The following CLTC variants were observed in gnomAD, a reference collection of about 807,000 sequenced individuals.
CLTC encodes the protein clathrin heavy chain 1.
Under a neutral mutation model 195.8 loss-of-function variants are expected in CLTC, and 16 were observed. The ratio of observed to expected loss-of-function variants is 0.08; its 90% CI spans 0.06 to 0.12. The LOEUF (loss-of-function observed/expected upper bound fraction) is 0.12. CLTC is among the 10% of genes least tolerant of loss of function. CLTC has a pLI of 1.00. For missense variants in CLTC, 796 were observed against 2,027.0 expected (o/e 0.39, Z 11.66); for synonymous variants, 667 against 689.4 (o/e 0.97, Z 0.51).
intron 1 of CLTC, among the ~76,000 whole-genome samples, chr17:59,636,009 G>A (rs758685156): frequency 2.0e-5 from 3 of 152,038 alleles, no homozygotes; most frequent in Non-Finnish European, 4.4e-5. Context: ...GGGAGTTCGA[G>A]ACCAGCCTGA....
At chr17:59,673,799 G>C (rs377336125) in intron 15 of CLTC, 27 bp downstream of exon 15, 8 of 1,011,988 alleles carry the variant, frequency 7.9e-6, no homozygotes, top group Non-Finnish European at 7.7e-6. Context: ...TAATGTAAAG[G>C]TATAATCTTA....
At chr17:59,631,802 C>G (rs1403001611) in intron 1 of CLTC, among the ~76,000 whole-genome samples, 1 of 151,936 alleles carries the variant, frequency 6.6e-6, no homozygotes, top group Non-Finnish European at 1.5e-5. Flanking sequence ...AAAACCCTAT[C>G]TCTACAAAAA....
chr17:59,675,476 T>A (rs2032946030), intron 16 of CLTC, among the ~76,000 whole-genome samples: 3 of 152,170 alleles, frequency 2.0e-5, no homozygotes, highest in Non-Finnish European at 4.4e-5. Flanking sequence ...TTCTGCTGTT[T>A]ATGAGAAGAA....
chr17:59,690,614 A>G, intron 30 of CLTC, 22 bp from the exon 31 acceptor site: 3 of 1,578,672 alleles, frequency 1.9e-6, no homozygotes, highest in Non-Finnish European at 2.6e-6. Flanking sequence ...GGTGCTAATT[A>G]ACATGATGTG....
At chr17:59,693,037 A>G (rs1468038277) in intron 31 of CLTC, among the ~76,000 whole-genome samples, 1 of 152,222 alleles carries the variant, frequency 6.6e-6, no homozygotes, top group East Asian at 1.9e-4. Flanking sequence ...TGTTTAAATC[A>G]GAAATTTAAA....
At chr17:59,624,109 A>C (rs564211853) in intron 1 of CLTC, among the ~76,000 whole-genome samples, 8 of 152,318 alleles carry the variant, frequency 5.3e-5, no homozygotes, top group African/African-American at 1.9e-4. Context: ...TTGAGACCTT[A>C]TTATGTGCTG....
At position 59,683,282 on chromosome 17, in the gene CLTC, C is replaced by G; in HGVS notation, c.4041+20C>G. 1 of 1,611,724 alleles carries G rather than the reference C, an allele frequency of 6.2e-7. No homozygotes were observed. Among genetic ancestry groups the G allele is most frequent in the Non-Finnish European group, 8.5e-7 (1 of 1,178,486 alleles). The stretch of plus-strand genomic sequence containing the variant: ...CCCAAGGTAACCAGTCATTGTAACA[C>G]AGTGAAGCAACTGTGTAGTTAAAAC... On this transcript the variant is annotated intron_variant, in intron 25 of 31. Transcript: ENST00000269122. This position sits in a 1 kb window ranked among gnomAD's most constrained non-coding sequence, Gnocchi z 6.1.
Position 59,681,146 on chromosome 17 carries a change from G to A in CLTC, c.3065+89G>A, listed in dbSNP as rs769298717. The A allele has an allele frequency of 1.6e-5, 24 of 1,510,206 alleles. No individual in the cohort carries two copies. The highest frequency in any genetic ancestry group is 2.1e-5 in the Non-Finnish European group (23 of 1,115,154). 93.6% of individuals were successfully genotyped at this position (1,510,206 alleles called of 1,614,324 possible). On this transcript the variant is annotated intron_variant, in intron 19 of 31. Transcript: ENST00000269122. The surrounding 1 kb of genome is among the most constrained non-coding windows in gnomAD (Gnocchi z 5.0). Reference sequence around the variant, plus strand: ...GTTTTGGGAAGGAACAAAAAGATCAGAGAAAGTTGCCTGAATTCTCACTCT... The same window carrying A: ...GTTTTGGGAAGGAACAAAAAGATCAAAGAAAGTTGCCTGAATTCTCACTCT...
intron 31 of CLTC, 96 bp downstream of exon 31, chr17:59,690,807 G>T (rs979725001): frequency 3.3e-6 from 3 of 904,614 alleles, no homozygotes; most frequent in African/African-American, 1.7e-5. Flanking sequence ...CTTCTAAAGT[G>T]CAAAAGGCTT....
chr17:59,681,799 T>C lies in CLTC; in HGVS notation c.3402T>C (p.Pro1134=), dbSNP rs145091925. 1.9e-6 allele frequency: 3 copies of C among 1,613,818 alleles called. No individual in the cohort carries two copies. Among genetic ancestry groups the C allele is most frequent in the African/African-American group, 1.3e-5 (1 of 74,930 alleles). Residue 1134 remains proline (P), a synonymous_variant, in exon 21 of 32, where the codon CCT becomes CCC. Coordinates refer to ENST00000269122, the MANE Select transcript of CLTC (RefSeq NM_004859.4). The surrounding 1 kb of genome is among the most constrained non-coding windows in gnomAD (Gnocchi z 5.0). Reference sequence around the variant, plus strand: ...ATTCTTATATCAAAGCAGATGATCCTTCCTCCTACATGGAAGTTGTTCAGG... The same window carrying C: ...ATTCTTATATCAAAGCAGATGATCCCTCCTCCTACATGGAAGTTGTTCAGG... The part of the protein sequence containing the change: ...AIDSYIKADD[P]SSYMEVVQAA...
Position 59,647,552 on chromosome 17 carries a change from G to C in CLTC, c.405G>C (p.Glu135Asp). 1 of 1,614,142 alleles carries C rather than the reference G, an allele frequency of 6.2e-7. No individual in the cohort carries two copies. Among genetic ancestry groups the C allele is most frequent in the Non-Finnish European group, 8.5e-7 (1 of 1,180,022 alleles). ...TTTATCACTGGAGTATGGAAGGAGA[G>C]TCTCAGCCAGTGAAAATGTTTGATC... is the stretch of plus-strand genomic sequence containing the variant. The part of the protein sequence containing the change: ...NAVYHWSMEG[E>D]SQPVKMFDRH... Residue 135 changes from glutamate to aspartate, a missense_variant, in exon 3 of 32, where the codon GAG becomes GAC. Physicochemically the swap from Glu to Asp is conservative, Grantham distance 45 (BLOSUM62 2). Coordinates refer to ENST00000269122, the MANE Select transcript of CLTC (RefSeq NM_004859.4).
intron 1 of CLTC, among the ~76,000 whole-genome samples, chr17:59,642,026 A>G (rs891258892): frequency 6.8e-6 from 1 of 146,132 alleles, no homozygotes; most frequent in Admixed American, 6.8e-5. Context: ...TTTTTTTTAC[A>G]AGTAAAATAC....
chr17:59,666,829 A>G lies in CLTC; in HGVS notation c.1980A>G (p.Val660=), dbSNP rs1448710835. 4 of 1,613,502 alleles carry G rather than the reference A, an allele frequency of 2.5e-6. No individual in the cohort carries two copies. Among genetic ancestry groups the G allele is most frequent in the African/African-American group, 2.7e-5 (2 of 74,892 alleles). The change falls in exon 13 of 32, where the codon GTA becomes GTG. Residue 660 remains valine (V), a synonymous_variant. Transcript: ENST00000269122. This position sits in a 1 kb window ranked among gnomAD's most constrained non-coding sequence, Gnocchi z 4.9. ...TCAACTACTTTGGTTCCTTATCAGT[A>G]GAAGACTCCCTAGAATGTCTCAGAG... The part of the protein sequence containing the change: ...WLVNYFGSLS[V]EDSLECLRAM...
chr17:59,674,413 T>C (rs1423961038), intron 15 of CLTC, among the ~76,000 whole-genome samples: 1 of 152,156 alleles, frequency 6.6e-6, no homozygotes, highest in Non-Finnish European at 1.5e-5. Flanking sequence ...TTTGGACTTA[T>C]TTATCATATG....
chr17:59,683,605 T>C lies in CLTC; in HGVS notation c.4192-20T>C, dbSNP rs1339401928. ...CTCATTAGGAAGTAACTGACTTATG[T>C]ATGGATTTTCCCATTGTAGGTTGCC... On this transcript the variant is annotated intron_variant, in intron 26 of 31. Transcript: ENST00000269122. The surrounding 1 kb of genome is among the most constrained non-coding windows in gnomAD (Gnocchi z 6.1). 6.2e-7 allele frequency: 1 copy of C among 1,613,812 alleles called. No individual in the cohort carries two copies. Among genetic ancestry groups the C allele is most frequent in the Admixed American group, 1.7e-5 (1 of 60,008 alleles).
chr17:59,620,077 AGCCACTGCCCCGCAGCC>A lies in CLTC; in HGVS notation c.-54_-38del. ...CTCCTCTCCCTTGGAGAGCCCGGGC[AGCCACTGCCCCGCAGCC>A]CCAGTGACAGGAGGAGACCATAACC... On this transcript the variant is annotated 5_prime_UTR_variant, in exon 1 of 32. Coordinates refer to ENST00000269122, the MANE Select transcript of CLTC (RefSeq NM_004859.4). 1 of 1,544,354 alleles carries A rather than the reference AGCCACTGCCCCGCAGCC, an allele frequency of 6.5e-7. No individual in the cohort carries two copies. The highest frequency in any genetic ancestry group is 8.9e-7 in the Non-Finnish European group (1 of 1,118,038).
At position 59,681,924 on chromosome 17, in the gene CLTC, G is replaced by C; in HGVS notation, c.3442+85G>C. 8.2e-7 allele frequency: 1 copy of C among 1,225,746 alleles called. No homozygotes were observed. The highest frequency in any genetic ancestry group is 1.1e-6 in the Non-Finnish European group (1 of 881,368). 75.9% of individuals were successfully genotyped at this position (1,225,746 alleles called of 1,614,324 possible). A position where few individuals can be genotyped will look rare whatever the true frequency, so the allele number is the denominator to read the frequency against. On this transcript the variant is annotated intron_variant, in intron 21 of 31. Coordinates refer to ENST00000269122, the MANE Select transcript of CLTC (RefSeq NM_004859.4). The surrounding 1 kb of genome is among the most constrained non-coding windows in gnomAD (Gnocchi z 5.0). ...TATCTGTCTATTCTGAATTTTAGAA[G>C]AGTTGGATACTGCATGGTTTCTTTT...
chr17:59,673,924 G>A, intron 15 of CLTC, 152 bp downstream of exon 15: 2 of 542,854 alleles, frequency 3.7e-6, no homozygotes, highest in East Asian at 6.2e-5. Flanking sequence ...TTGGAGACAG[G>A]GTCTTGCTCT....
chr17:59,662,537 C>A (rs1237578325), intron 8 of CLTC, among the ~76,000 whole-genome samples: 1 of 152,158 alleles, frequency 6.6e-6, no homozygotes, highest in Non-Finnish European at 1.5e-5. Context: ...TTGTCAAGAA[C>A]TGAAGTAGTA....
Sources: allele counts gnomAD v4.1 joint callset (sites outside exome capture counted in the v4.1 genomes callset), GRCh38; gene constraint gnomAD v4.1.1; non-coding constraint Gnocchi (gnomAD v3.1); transcripts MANE v1.5; gene names NCBI Gene and HGNC (gene_info 2026-07-23, HGNC 2026-07-21).